The following PLEKHG1 variants were observed in gnomAD, a reference collection of about 807,000 sequenced individuals.
PLEKHG1 encodes the protein pleckstrin homology and RhoGEF domain containing G1.
In PLEKHG1, 44 loss-of-function variants were observed where a neutral mutation model predicts 100.8. The observed-to-expected ratio is 0.44, with a 90% CI of 0.34 to 0.56. The LOEUF is 0.56. PLEKHG1 is among the 20% of genes least tolerant of loss of function. PLEKHG1 has a pLI of 0.01. For synonymous variants in PLEKHG1, 640 were observed against 662.5 expected (o/e 0.97, Z 0.52); for missense variants, 1,545 against 1,720.9 (o/e 0.90, Z 1.81).
In PLEKHG1 at chr6:150,685,846, G is replaced by C. The variant is rs1263164261; in HGVS notation, c.-99+35060G>C. Among the ~76,000 whole-genome samples the C allele has an allele frequency of 2.6e-5, 4 of 152,090 alleles. No homozygotes were observed. In the South Asian group the frequency reaches 8.3e-4, roughly 32 times the overall value. On this transcript the variant is annotated intron_variant, in intron 3 of 3. Transcript: ENST00000367326. ...ATTAAATAAGATGTAACTAGGGAAG[G>C]GGGGAAAAAAGAGTGAAATCAGGCA...
intron 3 of PLEKHG1, among the ~76,000 whole-genome samples, chr6:150,671,627 T>C (rs1779585621): frequency 6.6e-6 from 1 of 152,206 alleles, no homozygotes; most frequent in Non-Finnish European, 1.5e-5. Context: ...GCTTAGAGTC[T>C]AGTGGAGCTG....
chr6:150,695,556 C>G (rs1780508597), intron 3 of PLEKHG1, among the ~76,000 whole-genome samples: 1 of 152,200 alleles, frequency 6.6e-6, no homozygotes, highest in Admixed American at 6.5e-5. Context: ...TTCTACTTAA[C>G]ATTTGTGTGA....
At chr6:150,622,053 C>T (rs1297105321) in intron 1 of PLEKHG1, among the ~76,000 whole-genome samples, 1 of 152,176 alleles carries the variant, frequency 6.6e-6, no homozygotes, top group East Asian at 1.9e-4. Context: ...CCATTTCCTC[C>T]TCCGAGAGCT....
chr6:150,834,321 G>A (rs1777113410), intron 15 of PLEKHG1, among the ~76,000 whole-genome samples: 1 of 152,170 alleles, frequency 6.6e-6, no homozygotes, highest in Non-Finnish European at 1.5e-5. Flanking sequence ...TGGTGGGGTA[G>A]GGGAATATAT....
chr6:150,785,436 A>G (rs1785567882), intron 3 of PLEKHG1, among the ~76,000 whole-genome samples: 2 of 152,208 alleles, frequency 1.3e-5, no homozygotes. Context: ...CATCAATTCC[A>G]TATGTAGAAT....
intron 3 of PLEKHG1, among the ~76,000 whole-genome samples, chr6:150,771,385 C>G (rs1040714192): frequency 3.3e-5 from 5 of 151,838 alleles, no homozygotes; most frequent in Non-Finnish European, 5.9e-5. Context: ...CCACTGCACT[C>G]CAGCCTGGGC....
At chr6:150,618,715 A>G (rs1271197039) in intron 1 of PLEKHG1, among the ~76,000 whole-genome samples, 1 of 152,208 alleles carries the variant, frequency 6.6e-6, no homozygotes, top group Non-Finnish European at 1.5e-5. Context: ...AATGGCTTCA[A>G]CACCTGGCTT....
At chr6:150,757,544 C>T (rs1562491766) in intron 2 of PLEKHG1, among the ~76,000 whole-genome samples, 1 of 150,534 alleles carries the variant, frequency 6.6e-6, no homozygotes, top group African/African-American at 2.5e-5. Context: ...CCCAGATTGT[C>T]TGTGGTGCAC....
chr6:150,813,173 C>T (rs1344876266), intron 10 of PLEKHG1, among the ~76,000 whole-genome samples: 5 of 151,786 alleles, frequency 3.3e-5, no homozygotes, highest in African/African-American at 7.3e-5. Flanking sequence ...GGCGTGGTGG[C>T]GGGTGCCTGT....
chr6:150,701,689 T>C (rs1234363902), intron 3 of PLEKHG1, among the ~76,000 whole-genome samples: 1 of 149,222 alleles, frequency 6.7e-6, no homozygotes, highest in East Asian at 2.0e-4. Flanking sequence ...CATTGAATGT[T>C]CATACAAATC....
intron 13 of PLEKHG1, 48 bp from the exon 15 acceptor site, chr6:150,823,606 G>A: frequency 2.4e-6 from 3 of 1,269,596 alleles, no homozygotes; most frequent in African/African-American, 1.5e-5. Flanking sequence ...ACTTATATAG[G>A]AGGTACATTT....
intron 13 of PLEKHG1, among the ~76,000 whole-genome samples, chr6:150,822,934 T>C (rs972005241): frequency 1.3e-5 from 2 of 152,130 alleles, no homozygotes; most frequent in Admixed American, 6.5e-5. Context: ...GAGCCGAGAT[T>C]GTGCCACTGC....
intron 15 of PLEKHG1, among the ~76,000 whole-genome samples, chr6:150,834,028 G>A (rs1445507156): frequency 3.3e-5 from 5 of 151,988 alleles, no homozygotes; most frequent in Non-Finnish European, 5.9e-5. Flanking sequence ...TTTTAAGTTT[G>A]AGAGTATTTA....
Position 150,827,922 on chromosome 6 carries a change from C to T in PLEKHG1, c.1471-2660C>T. ...ACTGGCTGAGTGGAAAGCAACTAAA[C>T]TGAAGAATAAATCTGGAAAAGTTTT... is the stretch of plus-strand genomic sequence containing the variant. On this transcript the variant is annotated intron_variant, in intron 14 of 15. Transcript: ENST00000358517. The T allele has an allele frequency of 1.9e-6, 3 of 1,596,536 alleles. No individual in the cohort carries two copies. The South Asian group carries it at 3.3e-5, about 18-fold the overall frequency.
intron 3 of PLEKHG1, among the ~76,000 whole-genome samples, chr6:150,667,776 CTG>C (rs754602780): frequency 6.6e-6 from 1 of 152,158 alleles, no homozygotes; most frequent in Non-Finnish European, 1.5e-5. Context: ...ATAAATGAAA[CTG>C]TGAAAAGTAG....
intron 3 of PLEKHG1, among the ~76,000 whole-genome samples, chr6:150,709,679 C>T (rs1781172691): frequency 6.6e-6 from 1 of 152,220 alleles, no homozygotes. Context: ...TGAGATTCTA[C>T]CCACCTCAAC....
chr6:150,736,717 C>T (rs1027319604), intron 2 of PLEKHG1, among the ~76,000 whole-genome samples: 2 of 151,848 alleles, frequency 1.3e-5, no homozygotes, highest in African/African-American at 2.4e-5. Flanking sequence ...TGCAGTGAGC[C>T]GAGATTGCAC....
intron 1 of PLEKHG1, among the ~76,000 whole-genome samples, chr6:150,722,556 G>A (rs2128610501): frequency 6.6e-6 from 1 of 152,108 alleles, no homozygotes; most frequent in East Asian, 1.9e-4. Context: ...GTTTCACCAT[G>A]TTAGCCAGGC....
chr6:150,840,964 G>A (rs1054967192), exon 16 of PLEKHG1: 1 of 1,192,740 alleles, frequency 8.4e-7, no homozygotes, highest in Admixed American at 1.7e-5. Flanking sequence ...ATACTGATGA[G>A]GTGTTTTATG....
Sources: allele counts gnomAD v4.1 joint callset (sites outside exome capture counted in the v4.1 genomes callset), GRCh38; gene constraint gnomAD v4.1.1; transcripts MANE v1.5; gene names NCBI Gene and HGNC (gene_info 2026-07-23, HGNC 2026-07-21).